The following TUSC3 variants were observed in gnomAD, a reference collection of about 807,000 sequenced individuals.
TUSC3 encodes tumor suppressor candidate 3, also known as dolichyl-diphosphooligosaccharide--protein glycosyltransferase subunit TUSC3.
TUSC3 carries 45 observed loss-of-function variants against 44.8 expected under a neutral mutation model. That is an observed-to-expected ratio of 1.00 (90% confidence interval 0.79 to 1.29). The LOEUF (loss-of-function observed/expected upper bound fraction) is 1.29, where lower values mean the gene tolerates loss of function less well. Among genes scored for constraint, TUSC3 ranks in the 50% most tolerant of loss-of-function variants. The pLI is 0.00. For synonymous variants in TUSC3, 212 were observed against 152.9 expected (o/e 1.39, Z -2.85); for missense variants, 519 against 437.9 (o/e 1.19, Z -1.65).
intron 1 of TUSC3, among the ~76,000 whole-genome samples, chr8:15,570,478 A>G (rs531131061): frequency 7.9e-5 from 12 of 152,280 alleles, no homozygotes; most frequent in South Asian, 2.1e-4. Flanking sequence ...GTGTGAATCA[A>G]AAGAGCTTGG....
At chr8:15,573,899 G>GT (rs926336467) in intron 1 of TUSC3, among the ~76,000 whole-genome samples, 5 of 152,170 alleles carry the variant, frequency 3.3e-5, no homozygotes, top group Non-Finnish European at 5.9e-5. Flanking sequence ...AATATGGGGG[G>GT]TGATAGGAGG....
chr8:15,595,458 G>T (rs527662282), intron 1 of TUSC3, among the ~76,000 whole-genome samples: 2 of 152,268 alleles, frequency 1.3e-5, no homozygotes, highest in East Asian at 3.9e-4. Flanking sequence ...TCTCTCAAGG[G>T]AGTAGGGTGG....
At position 15,435,858 on chromosome 8, in the gene TUSC3, A is replaced by G. The variant is rs192650161; in HGVS notation, n.91+18553A>G. Among the ~76,000 whole-genome samples the G allele has an allele frequency of 3.7e-4, 57 of 152,262 alleles. 1 individual carries two copies. The highest frequency in any genetic ancestry group is 1.3e-3 in the African/African-American group (52 of 41,558). The stretch of plus-strand genomic sequence containing the variant: ...TCTTTTTTTTCTTAATGTATTTTCT[A>G]TCTTTGTAACAGATTACCTCCAAAG... On this transcript the variant is annotated intron_variant and non_coding_transcript_variant, in intron 1 of 5. Coordinates refer to the TUSC3 transcript ENST00000503191.
At chr8:15,664,241 C>T (rs772943602) in intron 5 of TUSC3, among the ~76,000 whole-genome samples, 6 of 151,674 alleles carry the variant, frequency 4.0e-5, no homozygotes, top group Non-Finnish European at 7.4e-5. Flanking sequence ...GATCTGATTG[C>T]AAGTTCTGTA....
chr8:15,507,692 C>A (rs1243507802), intron 2 of TUSC3, among the ~76,000 whole-genome samples: 1 of 151,954 alleles, frequency 6.6e-6, no homozygotes, highest in African/African-American at 2.4e-5. Context: ...ATGTTATGAG[C>A]ACTAAGTATT....
chr8:15,673,611 A>AATT, intron 5 of TUSC3, 136 bp from the exon 6 acceptor site: 1 of 727,148 alleles, frequency 1.4e-6, no homozygotes, highest in South Asian at 1.5e-5. Flanking sequence ...CATAGTTAAT[A>AATT]AGTGAAATTT....
intron 2 of TUSC3, among the ~76,000 whole-genome samples, chr8:15,486,723 A>C (rs1800737177): frequency 1.3e-5 from 2 of 152,064 alleles, no homozygotes; most frequent in Non-Finnish European, 2.9e-5. Flanking sequence ...GATTACAGGC[A>C]CAAGCCACCG....
At chr8:15,644,304 A>G (rs551052702) in intron 2 of TUSC3, among the ~76,000 whole-genome samples, 1 of 152,344 alleles carries the variant, frequency 6.6e-6, no homozygotes, top group South Asian at 2.1e-4. Context: ...TTCAGGCTGC[A>G]TAAGTATATA....
the TUSC3 span, among the ~76,000 whole-genome samples, chr8:15,841,499 T>A: frequency 3.9e-5 from 6 of 152,172 alleles, no homozygotes; most frequent in African/African-American, 1.4e-4. Context: ...GAATTAATCT[T>A]TCCTCTGTTA....
intron 1 of TUSC3, among the ~76,000 whole-genome samples, chr8:15,602,555 C>T (rs1003882271): frequency 6.6e-6 from 1 of 151,356 alleles, no homozygotes. Flanking sequence ...GGTTTGCAGT[C>T]AGACAGGCAC....
the TUSC3 span, among the ~76,000 whole-genome samples, chr8:15,794,597 T>C: frequency 0.053 from 8,122 of 152,220 alleles, 288 homozygotes; most frequent in Middle Eastern, 0.088. Context: ...AGCAATAGCA[T>C]AGCCAGAATA....
At position 15,765,205 on chromosome 8, in the gene TUSC3, T is replaced by C. The variant is rs1218736570; in HGVS notation, c.*1049T>C. The C allele has an allele frequency of 6.6e-6, 1 of 152,062 alleles. No homozygotes were observed. Among genetic ancestry groups the C allele is most frequent in the African/African-American group, 2.4e-5 (1 of 41,434 alleles). 9.4% of individuals were successfully genotyped at this position (152,062 alleles called of 1,614,324 possible). A position where few individuals can be genotyped will look rare whatever the true frequency, so the allele number is the denominator to read the frequency against. On this transcript the variant is annotated 3_prime_UTR_variant, in exon 11 of 11. Transcript: ENST00000503731. ...TTAGTCAGGAAATGTAAATTTTATC[T>C]GACTCATAGAACTAATGGAAGCTGA...
At chr8:15,791,933 G>A in the TUSC3 span, among the ~76,000 whole-genome samples, 3 of 152,172 alleles carry the variant, frequency 2.0e-5, no homozygotes, top group South Asian at 2.1e-4. Flanking sequence ...AAACTCAACC[G>A]GTGACAAAGA....
chr8:15,579,246 G>A (rs1236886167), intron 1 of TUSC3, among the ~76,000 whole-genome samples: 3 of 137,560 alleles, frequency 2.2e-5, no homozygotes, highest in African/African-American at 7.8e-5. Flanking sequence ...TATCAATTTT[G>A]TTGATCCTTT....
At chr8:15,452,891 T>C (rs1800211985) in intron 1 of TUSC3, among the ~76,000 whole-genome samples, 1 of 151,448 alleles carries the variant, frequency 6.6e-6, no homozygotes, top group Admixed American at 6.6e-5. Flanking sequence ...AATTTCATAC[T>C]TTTTTTTAAT....
At chr8:15,660,490 C>A (rs1040219849) in intron 4 of TUSC3, among the ~76,000 whole-genome samples, 7 of 151,862 alleles carry the variant, frequency 4.6e-5, no homozygotes, top group African/African-American at 1.4e-4. Flanking sequence ...GATTTTATGA[C>A]CATTTTTTCT....
chr8:15,778,987 C>G, the TUSC3 span, among the ~76,000 whole-genome samples: 1 of 152,042 alleles, frequency 6.6e-6, no homozygotes, highest in South Asian at 2.1e-4. Flanking sequence ...TCTACACAAG[C>G]TTTACTTTAG....
At chr8:15,650,663 A>T (rs750467768) in intron 2 of TUSC3, 34 bp from the exon 3 acceptor site, 9 of 1,578,612 alleles carry the variant, frequency 5.7e-6, no homozygotes, top group East Asian at 4.5e-5. Flanking sequence ...TTCAGTACTG[A>T]TGTGTTTCTA....
At chr8:15,490,113 T>C (rs1360785511) in intron 2 of TUSC3, among the ~76,000 whole-genome samples, 1 of 152,210 alleles carries the variant, frequency 6.6e-6, no homozygotes, top group Non-Finnish European at 1.5e-5. Context: ...TTTGTTAGTT[T>C]GATTTGGTTT....
Sources: allele counts gnomAD v4.1 joint callset (sites outside exome capture counted in the v4.1 genomes callset), GRCh38; gene constraint gnomAD v4.1.1; transcripts MANE v1.5; gene names NCBI Gene and HGNC (gene_info 2026-07-23, HGNC 2026-07-21).